CDH13: variants seen among roughly 807,000 people sequenced by gnomAD.
CDH13 encodes cadherin 13.
Under a neutral mutation model 63.8 loss-of-function variants are expected in CDH13, and 24 were observed. The observed-to-expected ratio is 0.38, with a 90% CI of 0.27 to 0.53. The LOEUF (loss-of-function observed/expected upper bound fraction) is 0.53, where lower values mean the gene tolerates loss of function less well. CDH13 is among the 20% of genes least tolerant of loss of function. The pLI is 0.85. For missense variants in CDH13, 1,049 were observed against 903.1 expected (o/e 1.16, Z -2.07); for synonymous variants, 503 against 355.3 (o/e 1.42, Z -4.67).
intron 5 of CDH13, among the ~76,000 whole-genome samples, chr16:83,221,006 C>G (rs1012391888): frequency 6.6e-6 from 1 of 152,226 alleles, no homozygotes; most frequent in African/African-American, 2.4e-5. Context: ...GGTGTTAACA[C>G]CATTTCACAG....
chr16:83,043,005 G>T (rs1474652065), intron 3 of CDH13, among the ~76,000 whole-genome samples: 1 of 152,178 alleles, frequency 6.6e-6, no homozygotes, highest in African/African-American at 2.4e-5. Flanking sequence ...AGGAAAGTTA[G>T]TATCCATTTA....
At chr16:82,928,474 A>C (rs1451294929) in intron 2 of CDH13, among the ~76,000 whole-genome samples, 1 of 152,228 alleles carries the variant, frequency 6.6e-6, no homozygotes, top group East Asian at 1.9e-4. Flanking sequence ...GGAGCATTTG[A>C]AAGTGTTCTA....
intron 4 of CDH13, among the ~76,000 whole-genome samples, chr16:83,142,828 C>T (rs533300908): frequency 7.2e-5 from 11 of 152,246 alleles, no homozygotes; most frequent in African/African-American, 2.6e-4. Context: ...AGGGGCCGGG[C>T]GCAGTGGCTT....
intron 13 of CDH13, among the ~76,000 whole-genome samples, chr16:83,794,745 G>C (rs1425624819): frequency 6.6e-6 from 1 of 151,988 alleles, no homozygotes; most frequent in Non-Finnish European, 1.5e-5. Context: ...AAAGACATAA[G>C]GCTCATTGGT....
At chr16:82,782,049 G>A (rs1250193137) in intron 1 of CDH13, among the ~76,000 whole-genome samples, 1 of 152,208 alleles carries the variant, frequency 6.6e-6, no homozygotes, top group Non-Finnish European at 1.5e-5. Context: ...AGGAAATTAA[G>A]TAGCTGATGA....
intron 1 of CDH13, among the ~76,000 whole-genome samples, chr16:82,699,473 C>T (rs1053410630): frequency 2.6e-5 from 4 of 152,186 alleles, no homozygotes; most frequent in Admixed American, 2.0e-4. Flanking sequence ...GTGAGGCAGC[C>T]GATTCCCAGG....
intron 1 of CDH13, among the ~76,000 whole-genome samples, chr16:82,781,478 C>CA (rs2035750800): frequency 6.6e-6 from 1 of 152,108 alleles, no homozygotes. Flanking sequence ...GCTACCCACA[C>CA]ACCTATACAT....
chr16:83,263,969 TA>T (rs1196852077), intron 5 of CDH13, among the ~76,000 whole-genome samples: 3 of 152,226 alleles, frequency 2.0e-5, no homozygotes, highest in African/African-American at 7.2e-5. Flanking sequence ...TTTTTGTTCT[TA>T]TGTCAAGATC....
At chr16:82,936,986 C>T (rs79424227) in intron 2 of CDH13, among the ~76,000 whole-genome samples, 6,642 of 152,144 alleles carry the variant, frequency 0.044, 428 homozygotes, top group African/African-American at 0.14. Context: ...GACCTCAGCA[C>T]GACATCAGCA....
At chr16:83,535,105 C>T (rs765400830) in intron 7 of CDH13, among the ~76,000 whole-genome samples, 62 of 152,284 alleles carry the variant, frequency 4.1e-4, no homozygotes, top group South Asian at 2.1e-4. Flanking sequence ...TTCAGTCTGC[C>T]ATATACACTG....
intron 3 of CDH13, among the ~76,000 whole-genome samples, chr16:83,101,401 A>G (rs1416306222): frequency 1.3e-5 from 2 of 150,522 alleles, no homozygotes; most frequent in African/African-American, 4.9e-5. Context: ...ATATATAGTA[A>G]TGTATATATT....
chr16:83,435,525 T>G (rs2072269264), intron 6 of CDH13, among the ~76,000 whole-genome samples: 1 of 152,170 alleles, frequency 6.6e-6, no homozygotes, highest in Non-Finnish European at 1.5e-5. Flanking sequence ...CTCTTCACTC[T>G]GTCTCATTCC....
intron 4 of CDH13, among the ~76,000 whole-genome samples, chr16:83,182,626 T>G (rs760312381): frequency 6.6e-6 from 1 of 152,242 alleles, no homozygotes; most frequent in African/African-American, 2.4e-5. Flanking sequence ...TAAGAATGTA[T>G]AGTCTAAATG....
At chr16:83,643,799 G>A (rs1328715252) in intron 8 of CDH13, among the ~76,000 whole-genome samples, 5 of 152,148 alleles carry the variant, frequency 3.3e-5, no homozygotes, top group Admixed American at 3.3e-4. Context: ...GTTTACTTAC[G>A]TTAATCATAA....
At chr16:82,960,649 A>G (rs1401948924) in intron 2 of CDH13, among the ~76,000 whole-genome samples, 1 of 152,188 alleles carries the variant, frequency 6.6e-6, no homozygotes, top group Non-Finnish European at 1.5e-5. Flanking sequence ...TCGGTATAGC[A>G]GGTACGGTAA....
chr16:82,822,299 G>C (rs2038039953), intron 1 of CDH13, among the ~76,000 whole-genome samples: 2 of 152,178 alleles, frequency 1.3e-5, no homozygotes, highest in Non-Finnish European at 2.9e-5. Flanking sequence ...AGCTCTAAAA[G>C]GGAATGAGGA....
intron 6 of CDH13, among the ~76,000 whole-genome samples, chr16:83,459,519 T>A (rs1202868948): frequency 6.6e-6 from 1 of 152,244 alleles, no homozygotes; most frequent in African/African-American, 2.4e-5. Flanking sequence ...CTAAAAACTT[T>A]TTTATTTGCA....
At chr16:83,012,404 A>G (rs1053833592) in intron 2 of CDH13, among the ~76,000 whole-genome samples, 1 of 151,338 alleles carries the variant, frequency 6.6e-6, no homozygotes, top group African/African-American at 2.4e-5. Flanking sequence ...TCCAAGGAAA[A>G]TATAAAATAA....
At chr16:82,809,176 T>C (rs1809048589) in intron 1 of CDH13, among the ~76,000 whole-genome samples, 1 of 152,162 alleles carries the variant, frequency 6.6e-6, no homozygotes, top group African/African-American at 2.4e-5. Flanking sequence ...TGAATGAAAA[T>C]ATCTGTTTCC....
Sources: allele counts gnomAD v4.1 joint callset (sites outside exome capture counted in the v4.1 genomes callset), GRCh38; gene constraint gnomAD v4.1.1; transcripts MANE v1.5; gene names NCBI Gene and HGNC (gene_info 2026-07-23, HGNC 2026-07-21).